The following IL1RAPL2 variants were observed in gnomAD, a reference collection of about 807,000 sequenced individuals.
IL1RAPL2 encodes interleukin 1 receptor accessory protein like 2, also known as X-linked interleukin-1 receptor accessory protein-like 2.
Under a neutral mutation model 44.1 loss-of-function variants are expected in IL1RAPL2, and 3 were observed. That is an observed-to-expected ratio of 0.07 (90% confidence interval 0.03 to 0.18). The LOEUF is 0.18. IL1RAPL2 is among the 10% of genes least tolerant of loss of function. The pLI, the probability that IL1RAPL2 is intolerant of heterozygous loss-of-function variation, is 1.00. For missense variants in IL1RAPL2, 391 were observed against 496.4 expected (o/e 0.79, Z 2.02); for synonymous variants, 181 against 178.8 (o/e 1.01, Z -0.10).
At chrX:104,875,283 T>C (rs1473906727) in intron 2 of IL1RAPL2, among the ~76,000 whole-genome samples, 2 of 111,699 alleles carry the variant, frequency 1.8e-5, no homozygotes, top group African/African-American at 6.5e-5. Flanking sequence ...GTTCCTTAAA[T>C]TGACTCATAC....
At chrX:105,323,356 G>A (rs774911130) in intron 5 of IL1RAPL2, among the ~76,000 whole-genome samples, 5 of 111,468 alleles carry the variant, frequency 4.5e-5, no homozygotes, top group Non-Finnish European at 5.6e-5. Context: ...TGCCTCCACC[G>A]TCCTTCCCCA....
chrX:105,198,682 G>A (rs2033691927), intron 3 of IL1RAPL2, among the ~76,000 whole-genome samples: 1 of 111,538 alleles, frequency 9.0e-6, no homozygotes. Flanking sequence ...ATTGTATTTG[G>A]TTGTCATGTC....
chrX:105,482,230 A>G (rs971916619), intron 5 of IL1RAPL2, among the ~76,000 whole-genome samples: 2 of 112,129 alleles, frequency 1.8e-5, no homozygotes, highest in African/African-American at 6.5e-5. Context: ...TTACTATTAC[A>G]AATAATAGCA....
At chrX:104,800,916 G>A (rs1294295187) in intron 2 of IL1RAPL2, among the ~76,000 whole-genome samples, 6 of 112,589 alleles carry the variant, frequency 5.3e-5, no homozygotes, top group Admixed American at 2.8e-4. Flanking sequence ...GCCAGTGGGA[G>A]GATATTAGTC....
At chrX:104,866,476 CT>C (rs1922618097) in intron 2 of IL1RAPL2, among the ~76,000 whole-genome samples, 3 of 112,173 alleles carry the variant, frequency 2.7e-5, no homozygotes, top group Middle Eastern at 4.6e-3. Flanking sequence ...CATACCACCT[CT>C]TTTTGTAAAT....
At chrX:105,640,749 T>G (rs199996347) in intron 6 of IL1RAPL2, among the ~76,000 whole-genome samples, 2 of 5,266 alleles carry the variant, frequency 3.8e-4, no homozygotes, top group Admixed American at 1.3e-3. Context: ...TATAGATAGA[T>G]ATAGATATAG....
intron 2 of IL1RAPL2, among the ~76,000 whole-genome samples, chrX:104,731,884 A>G (rs1355916500): frequency 8.9e-6 from 1 of 111,827 alleles, no homozygotes; most frequent in African/African-American, 3.2e-5. Context: ...TTTTCTTTTG[A>G]GTTACATGTG....
At chrX:105,072,056 T>A (rs1328123015) in intron 2 of IL1RAPL2, among the ~76,000 whole-genome samples, 1 of 110,936 alleles carries the variant, frequency 9.0e-6, no homozygotes, top group Non-Finnish European at 1.9e-5. Flanking sequence ...GTTCCCATTA[T>A]GCCCATATGT....
At chrX:105,351,880 C>T (rs2035158148) in intron 5 of IL1RAPL2, among the ~76,000 whole-genome samples, 1 of 111,515 alleles carries the variant, frequency 9.0e-6, no homozygotes, top group African/African-American at 3.3e-5. Flanking sequence ...TTTTTAATGT[C>T]CATACTTGGC....
intron 2 of IL1RAPL2, among the ~76,000 whole-genome samples, chrX:104,685,358 G>T (rs1356131511): frequency 9.0e-6 from 1 of 111,703 alleles, no homozygotes; most frequent in African/African-American, 3.3e-5. Context: ...TTATCTATTT[G>T]CACCTGCTCA....
At chrX:104,841,023 A>C (rs1921888656) in intron 2 of IL1RAPL2, among the ~76,000 whole-genome samples, 1 of 110,809 alleles carries the variant, frequency 9.0e-6, no homozygotes, top group Non-Finnish European at 1.9e-5. Context: ...TGAGAGTCTA[A>C]GTCTCTTTGT....
chrX:104,790,645 CA>C (rs746260814), intron 2 of IL1RAPL2, among the ~76,000 whole-genome samples: 1 of 108,540 alleles, frequency 9.2e-6, no homozygotes, highest in East Asian at 2.9e-4. Context: ...TGTGTTCACT[CA>C]AAAAAAACCT....
chrX:105,083,526 C>A (rs940861663), intron 2 of IL1RAPL2, among the ~76,000 whole-genome samples: 5 of 110,435 alleles, frequency 4.5e-5, no homozygotes, highest in African/African-American at 1.7e-4. Context: ...TCAGATTCCC[C>A]AAGGTTGAAA....
At chrX:105,485,848 C>T (rs994994068) in intron 6 of IL1RAPL2, among the ~76,000 whole-genome samples, 3 of 111,821 alleles carry the variant, frequency 2.7e-5, no homozygotes, top group African/African-American at 6.5e-5. Flanking sequence ...TTTCTTTATC[C>T]ATCTGTCTGT....
chrX:105,084,272 T>G (rs1052604180), intron 2 of IL1RAPL2, among the ~76,000 whole-genome samples: 1 of 112,282 alleles, frequency 8.9e-6, no homozygotes, highest in Non-Finnish European at 1.9e-5. Context: ...GAATGATAGA[T>G]CCACTGACAG....
intron 2 of IL1RAPL2, among the ~76,000 whole-genome samples, chrX:104,835,004 C>T (rs928075969): frequency 9.0e-6 from 1 of 111,662 alleles, no homozygotes; most frequent in African/African-American, 3.2e-5. Context: ...GAAATTAAGT[C>T]GAAAATCAAT....
intron 2 of IL1RAPL2, among the ~76,000 whole-genome samples, chrX:104,976,580 A>G (rs923707369): frequency 2.9e-4 from 32 of 112,013 alleles, no homozygotes; most frequent in Non-Finnish European, 5.8e-4. Context: ...ATGGGCCTCC[A>G]ACCCATAATA....
chrX:105,450,301 C>T (rs2036010607), intron 5 of IL1RAPL2, among the ~76,000 whole-genome samples: 2 of 111,434 alleles, frequency 1.8e-5, no homozygotes, highest in Admixed American at 1.9e-4. Context: ...TCCTCAATAC[C>T]TCTTTTGGTG....
At chrX:104,924,547 ACT>A (rs1379749615) in intron 2 of IL1RAPL2, among the ~76,000 whole-genome samples, 5 of 111,851 alleles carry the variant, frequency 4.5e-5, no homozygotes, top group Non-Finnish European at 5.6e-5. Context: ...ACCAAGCATA[ACT>A]CTCAAAGCTA....
Sources: allele counts gnomAD v4.1 joint callset (sites outside exome capture counted in the v4.1 genomes callset), GRCh38; gene constraint gnomAD v4.1.1; transcripts MANE v1.5; gene names NCBI Gene and HGNC (gene_info 2026-07-23, HGNC 2026-07-21).